GRID1: variants seen among roughly 807,000 people sequenced by gnomAD.
The protein encoded by GRID1 is glutamate ionotropic receptor delta type subunit 1.
A neutral mutation model predicts 98.0 loss-of-function variants in GRID1; 28 were observed. The ratio of observed to expected loss-of-function variants is 0.29; its 90% CI spans 0.21 to 0.39. GRID1 has a LOEUF of 0.39. Among genes scored for constraint, GRID1 ranks in the 10% least tolerant of loss-of-function variants. The pLI is 1.00. For synonymous variants in GRID1, 553 were observed against 538.5 expected, an observed-to-expected ratio of 1.03 and a Z score of -0.37; for missense variants, 1,111 against 1,340.5, an observed-to-expected ratio of 0.83 and a Z score of 2.67.
At chr10:86,261,779 A>T (rs1012248821) in intron 2 of GRID1, among the ~76,000 whole-genome samples, 1 of 114,734 alleles carries the variant, frequency 8.7e-6, no homozygotes, top group African/African-American at 2.7e-5. Context: ...ACACACACAC[A>T]TACACATCCG....
At chr10:86,197,792 A>G (rs887243817) in intron 3 of GRID1, among the ~76,000 whole-genome samples, 4 of 152,030 alleles carry the variant, frequency 2.6e-5, no homozygotes, top group Admixed American at 2.6e-4. Context: ...CAGAGTTAAT[A>G]AACTTTAATC....
At chr10:85,960,526 C>G (rs1194906005) in intron 4 of GRID1, among the ~76,000 whole-genome samples, 2 of 152,208 alleles carry the variant, frequency 1.3e-5, no homozygotes, top group Non-Finnish European at 2.9e-5. Context: ...TCTGCATTTG[C>G]TGTGGGCATG....
intron 3 of GRID1, among the ~76,000 whole-genome samples, chr10:86,157,688 C>T (rs1289540464): frequency 6.6e-6 from 1 of 152,116 alleles, no homozygotes; most frequent in Non-Finnish European, 1.5e-5. Context: ...CTCTGTGGGC[C>T]CCATGGAAGA....
At chr10:85,754,175 C>A (rs1842074043) in intron 8 of GRID1, among the ~76,000 whole-genome samples, 1 of 152,194 alleles carries the variant, frequency 6.6e-6, no homozygotes, top group African/African-American at 2.4e-5. Context: ...AGACACTCAA[C>A]AGATGGGGGG....
intron 2 of GRID1, among the ~76,000 whole-genome samples, chr10:86,269,090 T>C (rs903575130): frequency 1.6e-4 from 24 of 152,258 alleles, no homozygotes; most frequent in African/African-American, 5.8e-4. Context: ...TTCACCTCTG[T>C]GAACCTTGGT....
At chr10:86,106,633 C>T (rs1051539693) in intron 4 of GRID1, among the ~76,000 whole-genome samples, 3 of 152,088 alleles carry the variant, frequency 2.0e-5, no homozygotes, top group East Asian at 1.9e-4. Flanking sequence ...AACATTTCTT[C>T]CTGGGCTGCA....
intron 8 of GRID1, among the ~76,000 whole-genome samples, chr10:85,827,425 AAGAC>A (rs1179607107): frequency 4.6e-5 from 7 of 152,318 alleles, no homozygotes; most frequent in South Asian, 4.1e-4. Flanking sequence ...CAGTCAGACA[AAGAC>A]AGACAGACAG....
At chr10:85,896,927 G>T (rs183679429) in intron 5 of GRID1, among the ~76,000 whole-genome samples, 63 of 152,212 alleles carry the variant, frequency 4.1e-4, no homozygotes, top group African/African-American at 1.3e-3. Flanking sequence ...CAAAGGAGAA[G>T]ATTTGCATAA....
chr10:85,691,428 T>A, intron 12 of GRID1, among the ~76,000 whole-genome samples: 1 of 152,204 alleles, frequency 6.6e-6, no homozygotes, highest in Non-Finnish European at 1.5e-5. Context: ...GCTTGTCTCT[T>A]ACCCCTCTGA....
At chr10:85,647,536 A>G in intron 12 of GRID1, 139 bp from the exon 13 acceptor site, 2 of 686,316 alleles carry the variant, frequency 2.9e-6, no homozygotes, top group African/African-American at 1.8e-5. Context: ...CCATCCCCCA[A>G]AGTTCAAGTC....
intron 12 of GRID1, among the ~76,000 whole-genome samples, chr10:85,687,601 G>A (rs925574453): frequency 1.1e-4 from 16 of 151,860 alleles, no homozygotes. Flanking sequence ...CTGTACTCCA[G>A]CCTGGGTGAC....
chr10:86,298,278 C>A (rs1847623714), intron 2 of GRID1, among the ~76,000 whole-genome samples: 1 of 152,114 alleles, frequency 6.6e-6, no homozygotes, highest in Admixed American at 6.5e-5. Flanking sequence ...AAGGAAGTTG[C>A]AACCAAAGCT....
At chr10:86,261,216 A>G (rs1847011259) in intron 2 of GRID1, among the ~76,000 whole-genome samples, 1 of 152,242 alleles carries the variant, frequency 6.6e-6, no homozygotes, top group African/African-American at 2.4e-5. Context: ...GACTTGCAAA[A>G]TAACAGGACA....
At position 85,727,926 on chromosome 10, in the gene GRID1, G is replaced by A. The variant is rs145118691; in HGVS notation, c.1462C>T (p.Pro488Ser). The change falls in exon 10 of 16, where the codon CCT becomes TCT. Residue 488 changes from proline (P) to serine (S), a missense_variant. This residue lies in a region of GRID1 where 762 missense variants were observed against 869.1 expected (regional missense o/e 0.88). Transcript: ENST00000327946. ...AGCTGGTGACCGTACCTGCCATCAG[G>A]GGCTTGGTAAATCTCATATTTAAAG... is the stretch of plus-strand genomic sequence containing the variant. ...LGFKYEIYQA[P>S]DGRYGHQLHN... 5.8e-5 allele frequency: 94 copies of A among 1,613,792 alleles called. No individual in the cohort carries two copies. Among genetic ancestry groups the A allele is most frequent in the Admixed American group, 1.2e-4 (7 of 59,990 alleles).
At chr10:86,359,124 G>A (rs1848570069) in intron 2 of GRID1, among the ~76,000 whole-genome samples, 1 of 152,144 alleles carries the variant, frequency 6.6e-6, no homozygotes, top group Non-Finnish European at 1.5e-5. Flanking sequence ...AACTAAATTT[G>A]GGGTAAAATT....
intron 2 of GRID1, among the ~76,000 whole-genome samples, chr10:86,279,653 T>G (rs924193307): frequency 6.6e-6 from 1 of 152,214 alleles, no homozygotes; most frequent in African/African-American, 2.4e-5. Flanking sequence ...TCATATTTAG[T>G]GTTGAAAGAC....
At chr10:86,166,572 G>T (rs1289639376) in intron 3 of GRID1, among the ~76,000 whole-genome samples, 1 of 152,214 alleles carries the variant, frequency 6.6e-6, no homozygotes, top group East Asian at 1.9e-4. Context: ...AGCACAATGA[G>T]GTTCTGAGAG....
intron 2 of GRID1, among the ~76,000 whole-genome samples, chr10:86,352,740 C>T (rs538259957): frequency 6.6e-6 from 1 of 152,294 alleles, no homozygotes; most frequent in Admixed American, 6.5e-5. Flanking sequence ...TCTAGACCTT[C>T]CCCCAGTCTG....
At chr10:86,068,356 A>C (rs1357529663) in intron 4 of GRID1, among the ~76,000 whole-genome samples, 1 of 152,168 alleles carries the variant, frequency 6.6e-6, no homozygotes, top group African/African-American at 2.4e-5. Flanking sequence ...AATATATACC[A>C]GACTGAAAGC....
Sources: allele counts gnomAD v4.1 joint callset (sites outside exome capture counted in the v4.1 genomes callset), GRCh38; gene constraint gnomAD v4.1.1; regional missense constraint gnomAD v4.1.1; transcripts MANE v1.5; gene names NCBI Gene and HGNC (gene_info 2026-07-23, HGNC 2026-07-21).